The following SLC6A17 variants were observed in gnomAD, a reference collection of about 807,000 sequenced individuals.
The protein encoded by SLC6A17 is solute carrier family 6 member 17, also known as sodium-dependent neutral amino acid transporter SLC6A17.
In SLC6A17, 21 loss-of-function variants were observed where a neutral mutation model predicts 64.5. The ratio of observed to expected loss-of-function variants is 0.33; its 90% CI spans 0.23 to 0.47. The LOEUF is 0.47. Among genes scored for constraint, SLC6A17 ranks in the 20% least tolerant of loss-of-function variants. SLC6A17 has a pLI of 1.00. For synonymous variants in SLC6A17, 372 were observed against 399.5 expected (o/e 0.93, Z 0.82); for missense variants, 682 against 963.2 (o/e 0.71, Z 3.86).
intron 1 of SLC6A17, among the ~76,000 whole-genome samples, chr1:110,160,364 G>A (rs1024897392): frequency 7.9e-5 from 12 of 152,242 alleles, no homozygotes; most frequent in Non-Finnish European, 1.5e-4. Context: ...TGGCAAGCAG[G>A]TTGTTCTCAG....
Position 110,192,286 on chromosome 1 carries a change from G to C in SLC6A17, c.1106+73G>C. The C allele has an allele frequency of 6.4e-7, 1 of 1,557,784 alleles. No homozygotes were observed. Among genetic ancestry groups the C allele is most frequent in the Non-Finnish European group, 8.7e-7 (1 of 1,148,238 alleles). ...CCTGGGAGTGGGCAGGGGTGGGGGCGCAGGTGTGCATGGGGAGAGAGGTCC... is the reference window on the plus strand; with the variant it reads ...CCTGGGAGTGGGCAGGGGTGGGGGCCCAGGTGTGCATGGGGAGAGAGGTCC... On this transcript the variant is annotated intron_variant, in intron 7 of 11. Coordinates refer to ENST00000331565, the MANE Select transcript of SLC6A17 (RefSeq NM_001010898.4). The surrounding 1 kb of genome is among the most constrained non-coding windows in gnomAD (Gnocchi z 4.3).
chr1:110,156,344 C>T (rs1570976423), intron 1 of SLC6A17, among the ~76,000 whole-genome samples: 1 of 152,298 alleles, frequency 6.6e-6, no homozygotes, highest in South Asian at 2.1e-4. Flanking sequence ...GCAGAACTTC[C>T]CAACCAGTGC....
chr1:110,167,613 C>T (rs1570984372), intron 2 of SLC6A17, among the ~76,000 whole-genome samples: 1 of 152,152 alleles, frequency 6.6e-6, no homozygotes, highest in Non-Finnish European at 1.5e-5. Context: ...GTAAGGAGCA[C>T]CTGTTGGCCA....
rs141476604 is a variant in SLC6A17 at position 110,193,893 on chromosome 1, G to A, written c.1300-686G>A. Reference sequence around the variant, plus strand: ...CAAGATTATACACTCACTTAGTGGGGAAGAAATGTTCCCTTACAATCACTG... The same window carrying A: ...CAAGATTATACACTCACTTAGTGGGAAAGAAATGTTCCCTTACAATCACTG... On this transcript the variant is annotated intron_variant, in intron 8 of 11. Coordinates refer to ENST00000331565, the MANE Select transcript of SLC6A17 (RefSeq NM_001010898.4). 5.2e-3 allele frequency among the ~76,000 whole-genome samples: 790 copies of A among 152,330 alleles called. 4 individuals are homozygous for A. The highest frequency in any genetic ancestry group is 0.018 in the African/African-American group (745 of 41,576).
rs942552041 is a variant in SLC6A17 at position 110,192,286 on chromosome 1, G to A, written c.1106+73G>A. ...CCTGGGAGTGGGCAGGGGTGGGGGC[G>A]CAGGTGTGCATGGGGAGAGAGGTCC... On this transcript the variant is annotated intron_variant, in intron 7 of 11. Coordinates refer to ENST00000331565, the MANE Select transcript of SLC6A17 (RefSeq NM_001010898.4). The surrounding 1 kb of genome is among the most constrained non-coding windows in gnomAD (Gnocchi z 4.3). 3.5e-5 allele frequency: 55 copies of A among 1,557,658 alleles called. No homozygotes were observed. Among genetic ancestry groups the A allele is most frequent in the African/African-American group, 1.9e-4 (14 of 73,858 alleles).
At position 110,166,978 on chromosome 1, in the gene SLC6A17, G is replaced by A. The variant is rs1254840915; in HGVS notation, c.49G>A (p.Val17Ile). The A allele has an allele frequency of 1.9e-6, 3 of 1,613,892 alleles. No individual in the cohort carries two copies. Among genetic ancestry groups the A allele is most frequent in the Admixed American group, 3.3e-5 (2 of 60,008 alleles). ...CCAGCGTGAGCACAGCAGTGAGCAT[G>A]TCACTGAGTCCGTGGCCGACCTGCT... is the stretch of plus-strand genomic sequence containing the variant. ...VTQREHSSEH[V>I]TESVADLLAL... is the part of the protein sequence containing the mutation. The change falls in exon 2 of 12, where the codon GTC (valine) becomes ATC (isoleucine). Residue 17 changes from valine to isoleucine, a missense_variant. Coordinates refer to ENST00000331565, the MANE Select transcript of SLC6A17 (RefSeq NM_001010898.4).
At chr1:110,151,593 C>A (rs1321252595) in intron 1 of SLC6A17, among the ~76,000 whole-genome samples, 1 of 152,164 alleles carries the variant, frequency 6.6e-6, no homozygotes, top group Non-Finnish European at 1.5e-5. Context: ...TGCTCTGAAG[C>A]GATGCTGGAT....
In SLC6A17 at chr1:110,198,450, G is replaced by A; in HGVS notation, c.*6G>A. On this transcript the variant is annotated 3_prime_UTR_variant, in exon 12 of 12. Coordinates refer to ENST00000331565, the MANE Select transcript of SLC6A17 (RefSeq NM_001010898.4). ...CCCCTGAGTCGGAGCTGTGACCACT[G>A]CCCAAGCCCTGCCCGCCTCTCCCCC... The A allele has an allele frequency of 1.3e-6, 2 of 1,594,552 alleles. No homozygotes were observed. Among genetic ancestry groups the A allele is most frequent in the Non-Finnish European group, 1.7e-6 (2 of 1,169,546 alleles).
At chr1:110,190,441 C>T (rs952998413) in intron 6 of SLC6A17, among the ~76,000 whole-genome samples, 7 of 152,184 alleles carry the variant, frequency 4.6e-5, no homozygotes, top group African/African-American at 7.2e-5. Context: ...GCTCTGCCAG[C>T]GCTCTGAGCT....
chr1:110,152,797 C>G (rs1039541194), intron 1 of SLC6A17, among the ~76,000 whole-genome samples: 2 of 152,194 alleles, frequency 1.3e-5, no homozygotes. Flanking sequence ...TTATTTTGAG[C>G]CAGGTGCTAG....
At chr1:110,156,630 T>C (rs972388960) in intron 1 of SLC6A17, among the ~76,000 whole-genome samples, 1 of 152,214 alleles carries the variant, frequency 6.6e-6, no homozygotes, top group Non-Finnish European at 1.5e-5. Context: ...AGATAAGAAT[T>C]GTATTTTATC....
chr1:110,167,341 G>T, intron 2 of SLC6A17, 126 bp downstream of exon 2: 1 of 1,203,888 alleles, frequency 8.3e-7, no homozygotes, highest in South Asian at 1.6e-5. Context: ...GGATTCCAGA[G>T]TAAGACAGCC....
rs972043144 is a variant in SLC6A17 at position 110,199,947 on chromosome 1, G to A, written c.*1503G>A. 1.5e-4 allele frequency: 60 copies of A among 394,822 alleles called. No individual in the cohort carries two copies. In the Admixed American group the frequency reaches 1.7e-3, roughly 11 times the overall value. The allele number at this position is 394,822 out of a possible 1,614,324, so 24.5% of individuals were successfully genotyped here. A position where few individuals can be genotyped will look rare whatever the true frequency, so the allele number is the denominator to read the frequency against. ...GATGGGTTGGGGGGTGGGGGTGGAT[G>A]GATAGATGGATGGATGGATGGACGG... is the stretch of plus-strand genomic sequence containing the variant. On this transcript the variant is annotated 3_prime_UTR_variant, in exon 12 of 12. Transcript: ENST00000331565.
rs141219976 is a variant in SLC6A17 at position 110,173,277 on chromosome 1, G to A, written c.445-696G>A. Reference sequence around the variant, plus strand: ...CAAGCGGCCCTCAGCTCTCACACTGGCGCCAGTCTCACTGATGCAGGAGAC... The same window carrying A: ...CAAGCGGCCCTCAGCTCTCACACTGACGCCAGTCTCACTGATGCAGGAGAC... On this transcript the variant is annotated intron_variant, in intron 3 of 11. Coordinates refer to ENST00000331565, the MANE Select transcript of SLC6A17 (RefSeq NM_001010898.4). Among the ~76,000 whole-genome samples the A allele has an allele frequency of 4.3e-3, 662 of 152,318 alleles. 8 individuals are homozygous for A. Among genetic ancestry groups the A allele is most frequent in the African/African-American group, 0.015 (615 of 41,560 alleles).
At chr1:110,177,577 A>C (rs1320762775) in intron 6 of SLC6A17, 1 of 152,310 alleles carries the variant, frequency 6.6e-6, no homozygotes, top group African/African-American at 2.4e-5. Flanking sequence ...CAAGCCCTGT[A>C]CATCAGAAAC....
chr1:110,171,776 ATGTC>A (rs1490248846), intron 2 of SLC6A17, among the ~76,000 whole-genome samples: 2 of 151,956 alleles, frequency 1.3e-5, no homozygotes, highest in East Asian at 1.9e-4. Context: ...AGGCAGTGCA[ATGTC>A]TGTCTGTTTC....
intron 1 of SLC6A17, among the ~76,000 whole-genome samples, chr1:110,161,204 C>T (rs1460112872): frequency 2.0e-5 from 3 of 152,130 alleles, no homozygotes; most frequent in East Asian, 1.9e-4. Flanking sequence ...GATAATAGTC[C>T]GGCCTGTTTT....
At chr1:110,180,660 T>G (rs142495881) in intron 6 of SLC6A17, among the ~76,000 whole-genome samples, 1 of 152,186 alleles carries the variant, frequency 6.6e-6, no homozygotes, top group East Asian at 1.9e-4. Context: ...CAGCACAGGA[T>G]TGGGGAGATA....
intron 8 of SLC6A17, among the ~76,000 whole-genome samples, chr1:110,193,795 G>A (rs1376819559): frequency 1.3e-5 from 2 of 152,222 alleles, no homozygotes; most frequent in African/African-American, 4.8e-5. Context: ...CATGGGCATG[G>A]CCTGGTTCTC....
Sources: allele counts gnomAD v4.1 joint callset (sites outside exome capture counted in the v4.1 genomes callset), GRCh38; gene constraint gnomAD v4.1.1; non-coding constraint Gnocchi (gnomAD v3.1); transcripts MANE v1.5; gene names NCBI Gene and HGNC (gene_info 2026-07-23, HGNC 2026-07-21).